The following MEGF10 variants were observed in gnomAD, a reference collection of about 807,000 sequenced individuals.
The protein encoded by MEGF10 is multiple epidermal growth factor-like domains protein 10.
In MEGF10, 86 loss-of-function variants were observed where a neutral mutation model predicts 147.5. That is an observed-to-expected ratio of 0.58 (90% CI 0.49 to 0.70). MEGF10 has a LOEUF of 0.70. Among genes scored for constraint, MEGF10 ranks in the 30% least tolerant of loss-of-function variants. The pLI, the probability that MEGF10 is intolerant of heterozygous loss-of-function variation, is 0.00. For missense variants in MEGF10, 1,329 were observed against 1,487.3 expected (o/e 0.89, Z 1.75); for synonymous variants, 478 against 525.5 (o/e 0.91, Z 1.24).
chr5:127,278,510 A>G, the MEGF10 span, among the ~76,000 whole-genome samples: 1 of 152,210 alleles, frequency 6.6e-6, no homozygotes, highest in African/African-American at 2.4e-5. Flanking sequence ...AAGTGGAAGA[A>G]ATATTTGTGA....
At chr5:127,456,041 T>C (rs1327162437) in intron 24 of MEGF10, among the ~76,000 whole-genome samples, 2 of 152,214 alleles carry the variant, frequency 1.3e-5, no homozygotes, top group Non-Finnish European at 1.5e-5. Context: ...AAATTTAAGG[T>C]AAAGTTTCTT....
the MEGF10 span, among the ~76,000 whole-genome samples, chr5:127,276,104 C>G: frequency 3.3e-5 from 5 of 152,182 alleles, no homozygotes; most frequent in Non-Finnish European, 7.3e-5. Context: ...ACATAACTAT[C>G]TTTTTCTTAG....
At chr5:127,316,774 G>C (rs1181741874) in intron 1 of MEGF10, among the ~76,000 whole-genome samples, 4 of 152,282 alleles carry the variant, frequency 2.6e-5, no homozygotes, top group African/African-American at 9.6e-5. Context: ...GTAGCTAGTG[G>C]AGAGATGAGC....
rs192238404 is a variant in MEGF10 at position 127,406,897 on chromosome 5, G to T, written c.918-3492G>T. Among the ~76,000 whole-genome samples, 3 of 152,248 alleles carry T rather than the reference G, an allele frequency of 2.0e-5. No individual in the cohort carries two copies. The East Asian group carries it at 5.8e-4, about 29-fold the overall frequency. Reference sequence around the variant, plus strand: ...TAGTGCTGCCGTAGGATCACTCTGGGCCCTGCGACAGCCTATTAGGGGCCC... The same window carrying T: ...TAGTGCTGCCGTAGGATCACTCTGGTCCCTGCGACAGCCTATTAGGGGCCC... On this transcript the variant is annotated intron_variant, in intron 8 of 24. Coordinates refer to ENST00000503335, the MANE Select transcript of MEGF10 (RefSeq NM_001256545.2).
the MEGF10 span, among the ~76,000 whole-genome samples, chr5:127,241,407 G>A: frequency 6.6e-6 from 1 of 152,136 alleles, no homozygotes; most frequent in Admixed American, 6.5e-5. Context: ...TGTTCATGAA[G>A]CAACACAGTA....
the MEGF10 span, among the ~76,000 whole-genome samples, chr5:127,242,416 A>AT: frequency 6.6e-6 from 1 of 152,216 alleles, no homozygotes; most frequent in Non-Finnish European, 1.5e-5. Flanking sequence ...AATTGCAGGG[A>AT]TTTATACATT....
chr5:127,339,539 G>A (rs1353845034), intron 3 of MEGF10, among the ~76,000 whole-genome samples: 1 of 152,068 alleles, frequency 6.6e-6, no homozygotes, highest in Non-Finnish European at 1.5e-5. Flanking sequence ...CAGATGTCAA[G>A]CAATTCATAT....
the MEGF10 span, among the ~76,000 whole-genome samples, chr5:127,236,122 G>A: frequency 2.2e-4 from 33 of 152,116 alleles, 1 homozygote; most frequent in East Asian, 4.5e-3. Flanking sequence ...ACAGGCACGC[G>A]CCACCATGCC....
intron 20 of MEGF10, 135 bp downstream of exon 20, chr5:127,445,828 A>G: frequency 1.4e-6 from 1 of 705,784 alleles, no homozygotes; most frequent in Non-Finnish European, 2.5e-6. Context: ...TGTTTGGAAA[A>G]GGTATACATT....
intron 2 of MEGF10, among the ~76,000 whole-genome samples, chr5:127,335,329 G>C (rs1005068010): frequency 3.9e-5 from 6 of 152,134 alleles, no homozygotes; most frequent in African/African-American, 1.4e-4. Flanking sequence ...AGTAGGATTG[G>C]ACCAGATAAT....
intron 4 of MEGF10, among the ~76,000 whole-genome samples, chr5:127,343,670 G>T (rs1015524427): frequency 5.9e-5 from 9 of 152,040 alleles, no homozygotes; most frequent in African/African-American, 2.2e-4. Context: ...TCTTCTCAGG[G>T]CCAAGCATGG....
At chr5:127,256,598 G>T in the MEGF10 span, among the ~76,000 whole-genome samples, 1 of 152,190 alleles carries the variant, frequency 6.6e-6, no homozygotes, top group Non-Finnish European at 1.5e-5. Flanking sequence ...TCTCTCCCTT[G>T]CAGTGAGACC....
intron 2 of MEGF10, among the ~76,000 whole-genome samples, chr5:127,335,803 G>C (rs991771954): frequency 1.3e-5 from 2 of 151,914 alleles, no homozygotes; most frequent in African/African-American, 4.8e-5. Context: ...ACAACATGCT[G>C]TTGGTGGTTA....
At chr5:127,348,389 T>G (rs1285688570) in intron 4 of MEGF10, among the ~76,000 whole-genome samples, 1 of 152,154 alleles carries the variant, frequency 6.6e-6, no homozygotes, top group Non-Finnish European at 1.5e-5. Flanking sequence ...GGAAATGCAA[T>G]CAAATTTAAA....
intron 4 of MEGF10, among the ~76,000 whole-genome samples, chr5:127,360,173 T>A (rs1762420332): frequency 2.0e-5 from 3 of 152,108 alleles, no homozygotes; most frequent in South Asian, 4.1e-4. Flanking sequence ...CTTTACTTTC[T>A]CTCAACAATG....
chr5:127,273,285 G>A, the MEGF10 span, among the ~76,000 whole-genome samples: 1 of 152,242 alleles, frequency 6.6e-6, no homozygotes, highest in African/African-American at 2.4e-5. Flanking sequence ...CCCTTGGCCA[G>A]GGGTGGGGGT....
chr5:127,253,616 G>A, the MEGF10 span, among the ~76,000 whole-genome samples: 1 of 151,940 alleles, frequency 6.6e-6, no homozygotes, highest in African/African-American at 2.4e-5. Flanking sequence ...TTGGTCAGGT[G>A]TCAAGTTACA....
chr5:127,297,052 C>T (rs1281019670), intron 1 of MEGF10, among the ~76,000 whole-genome samples: 2 of 152,156 alleles, frequency 1.3e-5, no homozygotes, highest in Admixed American at 6.5e-5. Context: ...CTGCAACCTC[C>T]GCCTCTGGGG....
In MEGF10 at chr5:127,460,901, T is replaced by C. The variant is rs1561661990; in HGVS notation, c.*3583T>C. ...ATTACGTGGTATGGATGTTTGCTTG[T>C]TTATTAACTAAAGATGTACAGCAAA... On this transcript the variant is annotated 3_prime_UTR_variant, in exon 25 of 25. Coordinates refer to ENST00000503335, the MANE Select transcript of MEGF10 (RefSeq NM_001256545.2). 1 of 152,194 alleles carries C rather than the reference T, an allele frequency of 6.6e-6. No homozygotes were observed. Among genetic ancestry groups the C allele is most frequent in the Non-Finnish European group, 1.5e-5 (1 of 68,032 alleles). 9.4% of individuals were successfully genotyped at this position (152,194 alleles called of 1,614,324 possible).
Sources: allele counts gnomAD v4.1 joint callset (sites outside exome capture counted in the v4.1 genomes callset), GRCh38; gene constraint gnomAD v4.1.1; transcripts MANE v1.5; gene names NCBI Gene and HGNC (gene_info 2026-07-23, HGNC 2026-07-21).